The following ROBO3 variants were observed in gnomAD, a reference collection of about 807,000 sequenced individuals.
ROBO3 encodes the protein roundabout guidance receptor 3, also known as roundabout homolog 3.
ROBO3 carries 97 observed loss-of-function variants against 160.5 expected under a neutral mutation model. The observed-to-expected ratio is 0.60, with a 90% confidence interval of 0.51 to 0.72. The LOEUF is 0.72. Among genes scored for constraint, ROBO3 ranks in the 30% least tolerant of loss-of-function variants. ROBO3 has a pLI of 0.00. For missense variants in ROBO3, 1,858 were observed against 1,846.5 expected (o/e 1.01, Z -0.11); for synonymous variants, 780 against 746.2 (o/e 1.05, Z -0.74).
Position 124,869,429 on chromosome 11 carries a change from G to GCCC in ROBO3, c.488-17_488-15dup, listed in dbSNP as rs34127060. The GCCC allele has an allele frequency of 4.8e-4, 621 of 1,300,844 alleles. 4 individuals carry two copies. In the African/African-American group the frequency reaches 5.5e-3, roughly 11 times the overall value. 80.6% of individuals were successfully genotyped at this position (1,300,844 alleles called of 1,614,324 possible). A position where few individuals can be genotyped will look rare whatever the true frequency, so the allele number is the denominator to read the frequency against. ...TGTCACTCTACACCCTGCTTATTTC[G>GCCC]CCCCCCACCGCCCCGCCCAGTCCTC... On this transcript the variant is annotated intron_variant, in intron 2 of 27. Transcript: ENST00000397801. This position sits in a 1 kb window ranked among gnomAD's most constrained non-coding sequence, Gnocchi z 4.2.
At position 124,878,845 on chromosome 11, in the gene ROBO3, C is replaced by A. The variant is rs771779626; in HGVS notation, c.3533+49C>A. On this transcript the variant is annotated intron_variant, in intron 23 of 27. Transcript: ENST00000397801. This position sits in a 1 kb window ranked among gnomAD's most constrained non-coding sequence, Gnocchi z 4.3. ...CTCATTGCAAGCCCTCTATACGTAT[C>A]TACTCAGTAGATGACTGGGTGGGTG... 3.4e-6 allele frequency: 5 copies of A among 1,461,778 alleles called. No individual in the cohort carries two copies. In the South Asian group the frequency reaches 5.8e-5, roughly 17 times the overall value. 90.6% of individuals were successfully genotyped at this position (1,461,778 alleles called of 1,614,324 possible).
In ROBO3 at chr11:124,869,429, G is replaced by GCGGCCCCCCCCCCCCCCCC; in HGVS notation, c.488-20_488-19insGGCCCCCCCCCCCCCCCCC. 1 of 1,295,764 alleles carries GCGGCCCCCCCCCCCCCCCC rather than the reference G, an allele frequency of 7.7e-7. No homozygotes were observed. The highest frequency in any genetic ancestry group is 1.1e-6 in the Non-Finnish European group (1 of 929,942). 80.3% of individuals were successfully genotyped at this position (1,295,764 alleles called of 1,614,324 possible). A position where few individuals can be genotyped will look rare whatever the true frequency, so the allele number is the denominator to read the frequency against. On this transcript the variant is annotated intron_variant, in intron 2 of 27. Transcript: ENST00000397801. The surrounding 1 kb of genome is among the most constrained non-coding windows in gnomAD (Gnocchi z 4.2). The stretch of plus-strand genomic sequence containing the variant: ...TGTCACTCTACACCCTGCTTATTTC[G>GCGGCCCCCCCCCCCCCCCC]CCCCCCACCGCCCCGCCCAGTCCTC...
chr11:124,871,081 G>T lies in ROBO3; in HGVS notation c.1101G>T (p.Gln367His), dbSNP rs1188042349. ...MAAPGESVAF[Q>H]CETKGNPPPA... is the part of the protein sequence containing the mutation. ...CTCCTGGAGAGAGCGTGGCTTTCCA[G>T]TGCGAGACCAAAGGAAACCCCCCAC... The change falls in exon 7 of 28, where the codon CAG (glutamine) becomes CAT (histidine). Residue 367 changes from glutamine to histidine, a missense_variant. Gln to His is a conservative substitution (Grantham distance 24). Coordinates refer to ENST00000397801, the MANE Select transcript of ROBO3 (RefSeq NM_022370.4). The T allele has an allele frequency of 1.2e-6, 2 of 1,613,812 alleles. No individual in the cohort carries two copies. Among genetic ancestry groups the T allele is most frequent in the Non-Finnish European group, 1.7e-6 (2 of 1,179,730 alleles).
intron 6 of ROBO3, 103 bp downstream of exon 6, chr11:124,870,831 G>A (rs1354727745): frequency 1.3e-6 from 2 of 1,545,148 alleles, no homozygotes; most frequent in Non-Finnish European, 1.8e-6. Context: ...AGGGCATGTG[G>A]ATGGAACACC....
rs1471875017 is a variant in ROBO3, at chr11:124,876,317, G to T, written c.2636G>T (p.Gly879Val). 1.4e-6 allele frequency: 2 copies of T among 1,446,884 alleles called. No individual in the cohort carries two copies. The highest frequency in any genetic ancestry group is 2.7e-5 in the East Asian group (1 of 37,608). The allele number at this position is 1,446,884 out of a possible 1,614,324, so 89.6% of individuals were successfully genotyped here. The change falls in exon 17 of 28, where the codon GGG (glycine) becomes GTG (valine). Residue 879 changes from glycine to valine, a missense_variant. Physicochemically the swap from Gly to Val is moderately radical, Grantham distance 109. Transcript: ENST00000397801. This position sits in a 1 kb window ranked among gnomAD's most constrained non-coding sequence, Gnocchi z 5.3. The part of the protein sequence containing the change: ...DLEPGLEVGA[G>V]LAVRLARVLR... ...GAGCCCGGGCTGGAGGTGGGCGCGG[G>T]GCTGGCGGTGCGGCTGGCGAGGGTG...
In ROBO3 at chr11:124,876,016, C is replaced by T. The variant is rs909589326; in HGVS notation, c.2484C>T (p.Arg828=). The change falls in exon 16 of 28, where the codon CGC becomes CGT. Residue 828 remains arginine, a synonymous_variant. Coordinates refer to ENST00000397801, the MANE Select transcript of ROBO3 (RefSeq NM_022370.4). This position sits in a 1 kb window ranked among gnomAD's most constrained non-coding sequence, Gnocchi z 5.3. ...HLNRSAAGWA[R]SAMLRGLVPG... ...ATCGATCTGCAGCAGGCTGGGCACG[C>T]TCCGCAATGCTCCGAGGACTGGTGC... 4.4e-6 allele frequency: 7 copies of T among 1,601,694 alleles called. No homozygotes were observed. The highest frequency in any genetic ancestry group is 1.1e-5 in the South Asian group (1 of 88,280).
Position 124,873,644 on chromosome 11 carries a change from A to T in ROBO3, c.1619-53A>T. The T allele has an allele frequency of 6.6e-7, 1 of 1,514,234 alleles. No homozygotes were observed. The highest frequency in any genetic ancestry group is 9.0e-7 in the Non-Finnish European group (1 of 1,115,424). 93.8% of individuals were successfully genotyped at this position (1,514,234 alleles called of 1,614,324 possible). On this transcript the variant is annotated intron_variant, in intron 10 of 27. Coordinates refer to ENST00000397801, the MANE Select transcript of ROBO3 (RefSeq NM_022370.4). The surrounding 1 kb of genome is among the most constrained non-coding windows in gnomAD (Gnocchi z 4.5). ...CTCCCCTGGTAAGGAGACAGGTTAC[A>T]CTAGGATTATCCTTTCCCTATCTTT...
At position 124,872,456 on chromosome 11, in the gene ROBO3, A is replaced by G. The variant is rs1946289923; in HGVS notation, c.1234A>G (p.Thr412Ala). Residue 412 changes from threonine to alanine, a missense_variant, in exon 8 of 28, where the codon ACC (threonine) becomes GCC (alanine). Thr to Ala is a moderately conservative substitution (Grantham distance 58, BLOSUM62 0). Coordinates refer to ENST00000397801, the MANE Select transcript of ROBO3 (RefSeq NM_022370.4). The surrounding 1 kb of genome is among the most constrained non-coding windows in gnomAD (Gnocchi z 4.3). ...SVSPRGQLNI[T>A]AVQRGDAGYY... ...GTCTCCAAGAGGCCAACTTAACATC[A>G]CCGCGGTGCAGCGTGGGGATGCTGG... is the stretch of plus-strand genomic sequence containing the variant. 3 of 1,613,568 alleles carry G rather than the reference A, an allele frequency of 1.9e-6. No homozygotes were observed. Among genetic ancestry groups the G allele is most frequent in the Non-Finnish European group, 8.5e-7 (1 of 1,179,802 alleles).
At chr11:124,880,356 T>G (rs1591523542) in intron 26 of ROBO3, 62 bp from the exon 27 acceptor site, 5 of 1,592,998 alleles carry the variant, frequency 3.1e-6, no homozygotes, top group Admixed American at 1.7e-5. Context: ...GGTGGCAGGG[T>G]GGGTGACAGG....
At position 124,878,176 on chromosome 11, in the gene ROBO3, A is replaced by G. The variant is rs745607808; in HGVS notation, c.3181+45A>G. On this transcript the variant is annotated intron_variant, in intron 21 of 27. Transcript: ENST00000397801. The surrounding 1 kb of genome is among the most constrained non-coding windows in gnomAD (Gnocchi z 4.3). Reference sequence around the variant, plus strand: ...AACCCCGTTTAGCCCTGACCAGGGTATCCCCAAAGAGGATCCTCCTCCCTG... The same window carrying G: ...AACCCCGTTTAGCCCTGACCAGGGTGTCCCCAAAGAGGATCCTCCTCCCTG... The G allele has an allele frequency of 2.5e-6, 4 of 1,569,704 alleles. No individual in the cohort carries two copies. The Admixed American group carries it at 7.1e-5, about 28-fold the overall frequency.
Position 124,869,272 on chromosome 11 carries a change from T to C in ROBO3, c.487+144T>C, listed in dbSNP as rs1200946149. On this transcript the variant is annotated intron_variant, in intron 2 of 27. Transcript: ENST00000397801. This position sits in a 1 kb window ranked among gnomAD's most constrained non-coding sequence, Gnocchi z 4.2. ...TGGGACCGCGACCTTTGATCTCTAATGGCCACACCACGGCCAGAGAAGGAA... is the reference window on the plus strand; with the variant it reads ...TGGGACCGCGACCTTTGATCTCTAACGGCCACACCACGGCCAGAGAAGGAA... 8.0e-6 allele frequency: 9 copies of C among 1,119,188 alleles called. No homozygotes were observed. The East Asian group carries it at 2.3e-4, about 28-fold the overall frequency. The allele number at this position is 1,119,188 out of a possible 1,614,324, so 69.3% of individuals were successfully genotyped here.
intron 1 of ROBO3, 125 bp from the exon 2 acceptor site, chr11:124,868,676 TG>T: frequency 2.1e-6 from 2 of 958,612 alleles, no homozygotes; most frequent in Non-Finnish European, 3.3e-6. Context: ...GGTAGGCAGG[TG>T]GGGACTGAGC....
In ROBO3 at chr11:124,869,191, G is replaced by A; in HGVS notation, c.487+63G>A. 1 of 1,464,896 alleles carries A rather than the reference G, an allele frequency of 6.8e-7. No homozygotes were observed. The highest frequency in any genetic ancestry group is 9.2e-7 in the Non-Finnish European group (1 of 1,090,096). 90.7% of individuals were successfully genotyped at this position (1,464,896 alleles called of 1,614,324 possible). ...GCCTGGGGTAGGCGGGAGGGCACTG[G>A]GCAATCAGACCCAGAACCAGCCCCA... On this transcript the variant is annotated intron_variant, in intron 2 of 27. Coordinates refer to ENST00000397801, the MANE Select transcript of ROBO3 (RefSeq NM_022370.4). The surrounding 1 kb of genome is among the most constrained non-coding windows in gnomAD (Gnocchi z 4.2).
Position 124,869,500 on chromosome 11 carries a change from G to A in ROBO3, c.538G>A (p.Gly180Arg), listed in dbSNP as rs757833243. Reference protein sequence around the residue: ...QSPGNVVVAVGEPAVLECVPP... With the variant: ...QSPGNVVVAVREPAVLECVPP... ...TCCTGGAAACGTGGTGGTGGCAGTG[G>A]GGGAGCCAGCAGTACTGGAATGCGT... The change falls in exon 3 of 28, where the codon GGG (glycine) becomes AGG (arginine). Residue 180 changes from glycine (G) to arginine (R), a missense_variant. Transcript: ENST00000397801. The surrounding 1 kb of genome is among the most constrained non-coding windows in gnomAD (Gnocchi z 4.2). 1.3e-6 allele frequency: 2 copies of A among 1,560,456 alleles called. No individual in the cohort carries two copies. The highest frequency in any genetic ancestry group is 1.7e-6 in the Non-Finnish European group (2 of 1,151,958).
In ROBO3 at chr11:124,876,651, G is replaced by A. The variant is rs1406588782; in HGVS notation, c.2779+191G>A. The A allele has an allele frequency of 6.0e-6, 3 of 499,722 alleles. No individual in the cohort carries two copies. The highest frequency in any genetic ancestry group is 3.8e-5 in the Admixed American group (1 of 26,002). 31.0% of individuals were successfully genotyped at this position (499,722 alleles called of 1,614,324 possible). ...AGCTGCCAGGACTAGGGAGGGCTGC[G>A]GGCCAAGACGGGGCGGGATCTGGAT... On this transcript the variant is annotated intron_variant, in intron 17 of 27. Transcript: ENST00000397801. The surrounding 1 kb of genome is among the most constrained non-coding windows in gnomAD (Gnocchi z 5.3).
Position 124,869,434 on chromosome 11 carries a change from C to CCCCCCCCCCCCCCCCCT in ROBO3, c.488-15_488-14insCCCCCCCCCCCCCCCTC. The CCCCCCCCCCCCCCCCCT allele has an allele frequency of 7.4e-7, 1 of 1,358,304 alleles. No individual in the cohort carries two copies. The highest frequency in any genetic ancestry group is 1.0e-6 in the Non-Finnish European group (1 of 974,328). 84.1% of individuals were successfully genotyped at this position (1,358,304 alleles called of 1,614,324 possible). ...CTCTACACCCTGCTTATTTCGCCCC[C>CCCCCCCCCCCCCCCCCT]CACCGCCCCGCCCAGTCCTCCGTGA... On this transcript the variant is annotated splice_polypyrimidine_tract_variant and intron_variant, in intron 2 of 27. Transcript: ENST00000397801. This position sits in a 1 kb window ranked among gnomAD's most constrained non-coding sequence, Gnocchi z 4.2.
intron 27 of ROBO3, among the ~76,000 whole-genome samples, chr11:124,880,901 A>G (rs2135352237): frequency 6.6e-6 from 1 of 152,110 alleles, no homozygotes; most frequent in African/African-American, 2.4e-5. Flanking sequence ...AAAAAATACA[A>G]AATTAGCTGG....
In ROBO3 at chr11:124,879,918, C is replaced by A. The variant is rs1297108111; in HGVS notation, c.3928C>A (p.Leu1310Met). ...GERKAVQAVP[L>M]AAQRVLHPDE... ...GAGGAAAGCGGTCCAGGCCGTGCCC[C>A]TGGCAGCCCAGCGGGTGCTCCACCC... Residue 1310 changes from leucine to methionine, a missense_variant, in exon 26 of 28, where the codon CTG (leucine) becomes ATG (methionine). Transcript: ENST00000397801. The A allele has an allele frequency of 6.2e-7, 1 of 1,600,774 alleles. No homozygotes were observed. The highest frequency in any genetic ancestry group is 1.1e-5 in the South Asian group (1 of 88,896).
In ROBO3 at chr11:124,869,642, G is replaced by A. The variant is rs1221123274; in HGVS notation, c.645+35G>A. 6.5e-7 allele frequency: 1 copy of A among 1,530,762 alleles called. No individual in the cohort carries two copies. The highest frequency in any genetic ancestry group is 1.3e-5 in the South Asian group (1 of 77,944). The allele number at this position is 1,530,762 out of a possible 1,614,324, so 94.8% of individuals were successfully genotyped here. Reference sequence around the variant, plus strand: ...GGATTATGATTGGAGACCCCAACAAGGGAGGGGACATAGGGTAGGGAGGTG... The same window carrying A: ...GGATTATGATTGGAGACCCCAACAAAGGAGGGGACATAGGGTAGGGAGGTG... On this transcript the variant is annotated intron_variant, in intron 3 of 27. Transcript: ENST00000397801. The surrounding 1 kb of genome is among the most constrained non-coding windows in gnomAD (Gnocchi z 4.2).
Sources: allele counts gnomAD v4.1 joint callset (sites outside exome capture counted in the v4.1 genomes callset), GRCh38; gene constraint gnomAD v4.1.1; non-coding constraint Gnocchi (gnomAD v3.1); transcripts MANE v1.5; gene names NCBI Gene and HGNC (gene_info 2026-07-23, HGNC 2026-07-21).